The following AMOTL1 variants were observed in gnomAD, a reference collection of about 807,000 sequenced individuals.
AMOTL1 encodes the protein angiomotin like 1.
Under a neutral mutation model 102.9 loss-of-function variants are expected in AMOTL1, and 45 were observed. The ratio of observed to expected loss-of-function variants is 0.44; its 90% CI spans 0.34 to 0.56. The LOEUF (loss-of-function observed/expected upper bound fraction) is 0.56, where lower values mean the gene tolerates loss of function less well. Ranked by LOEUF, AMOTL1 falls within the 20% of genes least tolerant of loss-of-function variation. AMOTL1 has a pLI of 0.01. For missense variants in AMOTL1, 1,114 were observed against 1,225.6 expected, an observed-to-expected ratio of 0.91 and a Z score of 1.36; for synonymous variants, 481 against 484.7, an observed-to-expected ratio of 0.99 and a Z score of 0.10.
chr11:94,792,763 T>G (rs73514281), intron 1 of AMOTL1, among the ~76,000 whole-genome samples: 4,728 of 152,222 alleles, frequency 0.031, 190 homozygotes, highest in African/African-American at 0.095. Flanking sequence ...CAGGTGTGTG[T>G]GGGGGTGTGT....
chr11:94,848,375 C>T (rs1952463589), intron 6 of AMOTL1, among the ~76,000 whole-genome samples: 1 of 152,082 alleles, frequency 6.6e-6, no homozygotes, highest in Non-Finnish European at 1.5e-5. Flanking sequence ...AGAAGTAGTG[C>T]TGTGCTCTGA....
chr11:94,849,990 C>A, intron 6 of AMOTL1, 124 bp from the exon 7 acceptor site: 1 of 1,192,378 alleles, frequency 8.4e-7, no homozygotes, highest in Non-Finnish European at 1.1e-6. Flanking sequence ...GCAGAAACAG[C>A]AATTCAGTCC....
intron 1 of AMOTL1, among the ~76,000 whole-genome samples, chr11:94,725,100 G>A (rs1355723821): frequency 6.6e-6 from 1 of 152,164 alleles, no homozygotes; most frequent in African/African-American, 2.4e-5. Context: ...TGACTTGGCT[G>A]CATTAGGTGG....
rs146514637 is a variant in AMOTL1 at position 94,853,146 on chromosome 11, G to A, written c.1795-787G>A. Among the ~76,000 whole-genome samples, 1,298 of 152,060 alleles carry A rather than the reference G, an allele frequency of 8.5e-3. 18 individuals are homozygous for A. Among genetic ancestry groups the A allele is most frequent in the South Asian group, 0.05 (241 of 4,812 alleles). On this transcript the variant is annotated intron_variant, in intron 7 of 12. Transcript: ENST00000433060. ...TTCTATCTATTTTATGCTATTTTTAGTTTTACTTTAAGTTCCAGGATACAA... is the reference window on the plus strand; with the variant it reads ...TTCTATCTATTTTATGCTATTTTTAATTTTACTTTAAGTTCCAGGATACAA...
chr11:94,865,376 G>T (rs1042839717), intron 10 of AMOTL1, among the ~76,000 whole-genome samples: 2 of 152,174 alleles, frequency 1.3e-5, no homozygotes, highest in East Asian at 3.8e-4. Flanking sequence ...AACCCTGGGA[G>T]CCCTAGGCCT....
At chr11:94,722,258 G>A (rs2135445855) in intron 1 of AMOTL1, among the ~76,000 whole-genome samples, 1 of 152,026 alleles carries the variant, frequency 6.6e-6, no homozygotes. Flanking sequence ...TTTCAGAGAA[G>A]TGTCTTCTAG....
intron 2 of AMOTL1, among the ~76,000 whole-genome samples, chr11:94,735,219 G>C (rs1950420950): frequency 6.6e-6 from 1 of 152,180 alleles, no homozygotes. Context: ...GGGGCTTGAT[G>C]GCATTCCCAG....
At chr11:94,854,202 C>T in intron 8 of AMOTL1, 120 bp downstream of exon 8, 1 of 1,287,216 alleles carries the variant, frequency 7.8e-7, no homozygotes, top group South Asian at 1.7e-5. Context: ...GAAACAAGAA[C>T]TCCCTGTCCT....
At chr11:94,731,126 G>C (rs1950343202) in intron 2 of AMOTL1, among the ~76,000 whole-genome samples, 2 of 152,200 alleles carry the variant, frequency 1.3e-5, no homozygotes, top group East Asian at 3.8e-4. Flanking sequence ...CCTGTGTCTA[G>C]GTTTGCCTAA....
rs1167025630 is a variant in AMOTL1 at position 94,711,256 on chromosome 11, C to G, written c.-51+4659C>G. Among the ~76,000 whole-genome samples the G allele has an allele frequency of 5.9e-5, 9 of 152,098 alleles. 1 individual carries two copies. The highest frequency in any genetic ancestry group is 5.9e-4 in the Admixed American group (9 of 15,264). On this transcript the variant is annotated intron_variant, in intron 1 of 4. Transcript: ENST00000299004. ...TTTTGTAAACAAAGAATCATGCAAA[C>G]ACTCTGGCTGTTAAAGAATAGCTGG...
chr11:94,778,438 A>G (rs987956055), intron 1 of AMOTL1, among the ~76,000 whole-genome samples: 1 of 152,206 alleles, frequency 6.6e-6, no homozygotes, highest in Non-Finnish European at 1.5e-5. Flanking sequence ...ACCTGTATTC[A>G]CACCCAAACT....
intron 11 of AMOTL1, among the ~76,000 whole-genome samples, chr11:94,868,347 C>T (rs1009391605): frequency 3.3e-5 from 5 of 152,142 alleles, no homozygotes; most frequent in South Asian, 2.1e-4. Flanking sequence ...GGCACTTTCC[C>T]GCGTGTGTGC....
At chr11:94,711,697 T>C (rs947874517) in intron 1 of AMOTL1, among the ~76,000 whole-genome samples, 4 of 152,156 alleles carry the variant, frequency 2.6e-5, no homozygotes, top group Non-Finnish European at 5.9e-5. Flanking sequence ...TGTAACCTTA[T>C]GATATTGGCC....
intron 11 of AMOTL1, among the ~76,000 whole-genome samples, chr11:94,868,716 C>G (rs1398350289): frequency 6.6e-6 from 1 of 152,066 alleles, no homozygotes; most frequent in Non-Finnish European, 1.5e-5. Flanking sequence ...CCGGGGAAGC[C>G]TTGTAGTTTT....
At chr11:94,846,244 G>A (rs964429448) in intron 6 of AMOTL1, among the ~76,000 whole-genome samples, 14 of 152,184 alleles carry the variant, frequency 9.2e-5, no homozygotes, top group African/African-American at 2.9e-4. Context: ...AGAGCACCTT[G>A]TCACATTGCC....
chr11:94,763,454 G>GA (rs891100299), upstream of AMOTL1, among the ~76,000 whole-genome samples: 1 of 152,104 alleles, frequency 6.6e-6, no homozygotes, highest in African/African-American at 2.4e-5. Flanking sequence ...AAAAAGGCAG[G>GA]AAAAAACACA....
At position 94,821,802 on chromosome 11, in the gene AMOTL1, A is replaced by G. The variant is rs759481574; in HGVS notation, c.1394A>G (p.Asn465Ser). The G allele has an allele frequency of 6.2e-7, 1 of 1,613,918 alleles. No individual in the cohort carries two copies. The highest frequency in any genetic ancestry group is 8.5e-7 in the Non-Finnish European group (1 of 1,179,806). ...LHQELQGYYD[N>S]ADKLHKFEKE... The stretch of plus-strand genomic sequence containing the variant: ...CAGGAACTTCAGGGTTACTACGACA[A>G]TGCCGACAAGCTCCACAAGGTGCGT... The change falls in exon 4 of 13, where the codon AAT becomes AGT. Residue 465 changes from asparagine to serine, a missense_variant. Coordinates refer to ENST00000433060, the MANE Select transcript of AMOTL1 (RefSeq NM_130847.3).
intron 1 of AMOTL1, among the ~76,000 whole-genome samples, chr11:94,711,893 T>C (rs1412754446): frequency 1.3e-5 from 2 of 152,146 alleles, no homozygotes; most frequent in East Asian, 3.9e-4. Flanking sequence ...CAAATAAAGA[T>C]GCTATGAACA....
At chr11:94,763,888 C>A (rs755555278), upstream of AMOTL1, among the ~76,000 whole-genome samples, 39 of 151,958 alleles carry the variant, frequency 2.6e-4, no homozygotes, top group Non-Finnish European at 4.3e-4. Context: ...TGCTGTATTG[C>A]CATTGTAAAA....
Sources: allele counts gnomAD v4.1 joint callset (sites outside exome capture counted in the v4.1 genomes callset), GRCh38; gene constraint gnomAD v4.1.1; transcripts MANE v1.5; gene names NCBI Gene and HGNC (gene_info 2026-07-23, HGNC 2026-07-21).